FAM171A1: variants seen among roughly 807,000 people sequenced by gnomAD.
The protein encoded by FAM171A1 is protein FAM171A1.
A neutral mutation model predicts 74.9 loss-of-function variants in FAM171A1; 23 were observed. That is an observed-to-expected ratio of 0.31 (90% CI 0.22 to 0.44). The LOEUF (loss-of-function observed/expected upper bound fraction) is 0.44, where lower values mean the gene tolerates loss of function less well. Ranked by LOEUF, FAM171A1 falls within the 20% of genes least tolerant of loss-of-function variation. The pLI is 1.00. For synonymous variants in FAM171A1, 527 were observed against 505.7 expected, an observed-to-expected ratio of 1.04 and a Z score of -0.57; for missense variants, 1,162 against 1,159.2, an observed-to-expected ratio of 1.00 and a Z score of -0.03.
chr10:15,321,598 A>T (rs1231068097), intron 1 of FAM171A1, among the ~76,000 whole-genome samples: 1 of 152,266 alleles, frequency 6.6e-6, no homozygotes, highest in Non-Finnish European at 1.5e-5. Flanking sequence ...CCACAAAGAA[A>T]AACCAAAAGA....
At chr10:15,362,875 T>C (rs969289767) in intron 1 of FAM171A1, among the ~76,000 whole-genome samples, 13 of 152,260 alleles carry the variant, frequency 8.5e-5, no homozygotes, top group African/African-American at 3.1e-4. Context: ...TTTAGGCATT[T>C]ATTTTTCCAC....
Position 15,366,596 on chromosome 10 carries a change from T to C in FAM171A1, c.97+4360A>G, listed in dbSNP as rs11259631. Among the ~76,000 whole-genome samples the C allele has an allele frequency of 1.5e-3, 225 of 152,314 alleles. 6 individuals are homozygous for C. In the East Asian group the frequency reaches 0.038, roughly 26 times the overall value. The stretch of plus-strand genomic sequence containing the variant: ...CTTGATCAAACTATAACAGCATTAC[T>C]GGTATGTATAATTTCCACTAAACAT... On this transcript the variant is annotated intron_variant, in intron 1 of 7. Coordinates refer to ENST00000378116, the MANE Select transcript of FAM171A1 (RefSeq NM_001010924.2).
intron 2 of FAM171A1, among the ~76,000 whole-genome samples, chr10:15,280,812 A>T (rs1007409198): frequency 2.0e-5 from 3 of 152,232 alleles, no homozygotes; most frequent in African/African-American, 7.2e-5. Flanking sequence ...GTTAGTGTTC[A>T]TCTCCAAAAA....
chr10:15,238,451 AAT>A (rs1834323163), intron 5 of FAM171A1, among the ~76,000 whole-genome samples: 1 of 152,100 alleles, frequency 6.6e-6, no homozygotes, highest in Non-Finnish European at 1.5e-5. Flanking sequence ...CATGTTCAAT[AAT>A]AGTTTCATTT....
intron 5 of FAM171A1, among the ~76,000 whole-genome samples, chr10:15,232,080 G>A (rs893226058): frequency 5.3e-5 from 8 of 152,126 alleles, no homozygotes; most frequent in African/African-American, 1.9e-4. Flanking sequence ...GTGACAAAGT[G>A]AGATCATGTC....
intron 1 of FAM171A1, among the ~76,000 whole-genome samples, chr10:15,293,477 C>T (rs1055801353): frequency 9.9e-5 from 15 of 151,722 alleles, no homozygotes; most frequent in Non-Finnish European, 1.3e-4. Context: ...AAGGAGTTTA[C>T]GGTTTTGCGG....
At chr10:15,324,881 T>C (rs1258132500) in intron 1 of FAM171A1, among the ~76,000 whole-genome samples, 1 of 152,186 alleles carries the variant, frequency 6.6e-6, no homozygotes, top group Non-Finnish European at 1.5e-5. Context: ...ATAAGGACTT[T>C]TACACTTCCA....
chr10:15,257,263 C>T (rs34700213), intron 3 of FAM171A1, among the ~76,000 whole-genome samples: 7,553 of 152,200 alleles, frequency 0.05, 247 homozygotes, highest in Middle Eastern at 0.11. Context: ...GATGGGCTGG[C>T]AGAGACCTGT....
intron 1 of FAM171A1, among the ~76,000 whole-genome samples, chr10:15,337,738 C>G (rs1051653637): frequency 5.3e-5 from 8 of 152,294 alleles, no homozygotes; most frequent in African/African-American, 1.7e-4. Flanking sequence ...CACTTGAGAT[C>G]GGGAATTTGA....
intron 1 of FAM171A1, among the ~76,000 whole-genome samples, chr10:15,330,032 T>C (rs1363559527): frequency 6.6e-6 from 1 of 152,162 alleles, no homozygotes; most frequent in Non-Finnish European, 1.5e-5. Context: ...ATAAGTTTAA[T>C]TCTCCTGGTA....
rs200753781 is a variant in FAM171A1, at chr10:15,302,465, C to CA, written c.98-18361dup. Among the ~76,000 whole-genome samples the CA allele has an allele frequency of 8.7e-4, 74 of 85,036 alleles. No individual in the cohort carries two copies. The East Asian group carries it at 8.7e-3, about 10-fold the overall frequency. The allele number at this position is 85,036 out of a possible 152,430, so 55.8% of individuals were successfully genotyped here. A position where few individuals can be genotyped will look rare whatever the true frequency, so the allele number is the denominator to read the frequency against. ...GGGCAACAAGAGCGAAACTCCATCT[C>CA]AAAAAAAACAAAACAAAACAAAACA... On this transcript the variant is annotated intron_variant, in intron 1 of 7. Transcript: ENST00000378116.
At chr10:15,215,900 A>T (rs1833960834) in intron 7 of FAM171A1, 96 bp downstream of exon 7, 4 of 575,154 alleles carry the variant, frequency 7.0e-6, no homozygotes, top group Admixed American at 4.1e-5. Context: ...TAGAAAAATT[A>T]AAAAAAAAAC....
chr10:15,351,670 T>C (rs1291739511), intron 1 of FAM171A1, among the ~76,000 whole-genome samples: 2 of 151,366 alleles, frequency 1.3e-5, no homozygotes. Context: ...CACGGATGCA[T>C]GGATGCATGG....
upstream of FAM171A1, among the ~76,000 whole-genome samples, chr10:15,373,929 T>G (rs1188087406): frequency 6.6e-6 from 1 of 152,200 alleles, no homozygotes; most frequent in Non-Finnish European, 1.5e-5. Context: ...TTGTTGTTGT[T>G]GCTGTTGTGT....
intron 1 of FAM171A1, among the ~76,000 whole-genome samples, chr10:15,326,008 C>T (rs779927186): frequency 1.3e-5 from 2 of 152,190 alleles, no homozygotes; most frequent in Non-Finnish European, 1.5e-5. Flanking sequence ...ATTGTAAATA[C>T]CCCAAGGAGG....
At chr10:15,330,206 G>A (rs1258162906) in intron 1 of FAM171A1, among the ~76,000 whole-genome samples, 1 of 152,096 alleles carries the variant, frequency 6.6e-6, no homozygotes, top group African/African-American at 2.4e-5. Flanking sequence ...GCCTGGCATG[G>A]TGGTGCACGC....
intron 5 of FAM171A1, among the ~76,000 whole-genome samples, chr10:15,244,465 G>A (rs1253134162): frequency 6.6e-6 from 1 of 152,204 alleles, no homozygotes; most frequent in African/African-American, 2.4e-5. Flanking sequence ...ACTGTAGTGA[G>A]CTATGATCAC....
At chr10:15,251,460 T>C (rs1449397940) in intron 4 of FAM171A1, among the ~76,000 whole-genome samples, 1 of 150,776 alleles carries the variant, frequency 6.6e-6, no homozygotes, top group Non-Finnish European at 1.5e-5. Context: ...TGGAGTGCAA[T>C]GGTGCAATCT....
intron 1 of FAM171A1, among the ~76,000 whole-genome samples, chr10:15,358,498 C>T (rs1835958529): frequency 6.6e-6 from 1 of 152,170 alleles, no homozygotes; most frequent in Admixed American, 6.5e-5. Flanking sequence ...TGGGTTCAAA[C>T]ATGTTTCTCT....
Sources: allele counts gnomAD v4.1 joint callset (sites outside exome capture counted in the v4.1 genomes callset), GRCh38; gene constraint gnomAD v4.1.1; transcripts MANE v1.5; gene names NCBI Gene and HGNC (gene_info 2026-07-23, HGNC 2026-07-21).